Variants in KIAA1217 observed in about 807,000 individuals in gnomAD.
KIAA1217 encodes KIAA1217, also known as sickle tail protein homolog.
A neutral mutation model predicts 163.9 loss-of-function variants in KIAA1217; 88 were observed. The observed-to-expected ratio is 0.54, with a 90% CI of 0.45 to 0.64. The LOEUF (loss-of-function observed/expected upper bound fraction) is 0.64, where lower values mean the gene tolerates loss of function less well. Among genes scored for constraint, KIAA1217 ranks in the 30% least tolerant of loss-of-function variants. KIAA1217 has a pLI of 0.00. For missense variants in KIAA1217, 2,372 were observed against 2,475.0 expected (o/e 0.96, Z 0.88); for synonymous variants, 903 against 923.1 (o/e 0.98, Z 0.39).
At chr10:24,288,116 T>G (rs1162483868) in intron 2 of KIAA1217, among the ~76,000 whole-genome samples, 1 of 152,194 alleles carries the variant, frequency 6.6e-6, no homozygotes, top group Non-Finnish European at 1.5e-5. Context: ...GTAGACACCC[T>G]ACTCAGAAGC....
At chr10:23,872,595 GT>G (rs199968473) in intron 1 of KIAA1217, among the ~76,000 whole-genome samples, 6 of 151,272 alleles carry the variant, frequency 4.0e-5, no homozygotes, top group Middle Eastern at 3.4e-3. Context: ...AATTAATTGT[GT>G]TTTTTTTTAT....
chr10:23,707,033 C>T (rs892373377), intron 1 of KIAA1217, among the ~76,000 whole-genome samples: 4 of 152,152 alleles, frequency 2.6e-5, no homozygotes, highest in African/African-American at 9.7e-5. Flanking sequence ...ATTTATTGAT[C>T]ACCAGCTGCT....
At chr10:24,237,294 G>T (rs184354278) in intron 2 of KIAA1217, among the ~76,000 whole-genome samples, 1 of 152,212 alleles carries the variant, frequency 6.6e-6, no homozygotes, top group Non-Finnish European at 1.5e-5. Flanking sequence ...CACTTTCCCA[G>T]CTCTAAGTTG....
At chr10:24,360,456 C>G (rs892868856) in intron 2 of KIAA1217, among the ~76,000 whole-genome samples, 1 of 152,168 alleles carries the variant, frequency 6.6e-6, no homozygotes, top group Non-Finnish European at 1.5e-5. Flanking sequence ...ATCTCTTAGA[C>G]TTGCAGCAAT....
chr10:23,704,170 GTGTA>G (rs1463523218), intron 1 of KIAA1217, among the ~76,000 whole-genome samples: 159 of 54,076 alleles, frequency 2.9e-3, no homozygotes, highest in East Asian at 5.8e-3. Context: ...GTGTGTGTGT[GTGTA>G]TATATATATA....
chr10:23,840,701 G>A (rs920119756), intron 1 of KIAA1217, among the ~76,000 whole-genome samples: 1 of 152,164 alleles, frequency 6.6e-6, no homozygotes, highest in African/African-American at 2.4e-5. Flanking sequence ...GTATGTTTTA[G>A]TTGATATAGA....
intron 9 of KIAA1217, among the ~76,000 whole-genome samples, chr10:24,502,815 A>G (rs2067840944): frequency 6.6e-6 from 1 of 151,818 alleles, no homozygotes; most frequent in South Asian, 2.1e-4. Context: ...ATGTGGTGAA[A>G]CCCCATTTAT....
At chr10:23,963,899 T>C (rs1356129476) in intron 1 of KIAA1217, among the ~76,000 whole-genome samples, 1 of 106,398 alleles carries the variant, frequency 9.4e-6, no homozygotes, top group East Asian at 2.4e-4. Flanking sequence ...TCTCTTTTCT[T>C]TTTTTTTTTT....
chr10:24,320,913 G>A (rs1355845235), intron 2 of KIAA1217, among the ~76,000 whole-genome samples: 2 of 152,034 alleles, frequency 1.3e-5, no homozygotes, highest in Non-Finnish European at 2.9e-5. Flanking sequence ...CGGGTGTGGT[G>A]GCAGGTGCCT....
At chr10:24,241,466 G>A (rs974125955) in intron 2 of KIAA1217, among the ~76,000 whole-genome samples, 4 of 152,102 alleles carry the variant, frequency 2.6e-5, no homozygotes, top group Non-Finnish European at 5.9e-5. Flanking sequence ...ACTGATAGGA[G>A]CTCCAGTACT....
chr10:24,076,362 G>C (rs12249156), intron 2 of KIAA1217, among the ~76,000 whole-genome samples: 24,072 of 152,162 alleles, frequency 0.16, 3,892 homozygotes, highest in African/African-American at 0.42. Flanking sequence ...GCTTTTTTGG[G>C]ATATAAGCAG....
At chr10:23,964,076 G>A (rs903600372) in intron 1 of KIAA1217, among the ~76,000 whole-genome samples, 3 of 151,380 alleles carry the variant, frequency 2.0e-5, no homozygotes, top group African/African-American at 4.8e-5. Flanking sequence ...TCTTTCTTTT[G>A]TATTTTTAAT....
chr10:24,118,802 T>G (rs1225282978), intron 2 of KIAA1217, among the ~76,000 whole-genome samples: 1 of 152,160 alleles, frequency 6.6e-6, no homozygotes, highest in Non-Finnish European at 1.5e-5. Context: ...CTCAAAGATT[T>G]GTCCTGTTGA....
chr10:24,037,843 C>A (rs1848461888), intron 2 of KIAA1217, among the ~76,000 whole-genome samples: 1 of 152,192 alleles, frequency 6.6e-6, no homozygotes, highest in African/African-American at 2.4e-5. Flanking sequence ...ACTCTTCAAA[C>A]TCTTCTCTTT....
chr10:24,204,209 C>G (rs1471889867), upstream of KIAA1217, among the ~76,000 whole-genome samples: 1 of 152,088 alleles, frequency 6.6e-6, no homozygotes. Context: ...TCCTGGGCAC[C>G]TCACTTATTG....
rs201056034 is a variant in KIAA1217, at chr10:24,347,447, CAG to C, written c.355-33418_355-33417del. 7.3e-4 allele frequency among the ~76,000 whole-genome samples: 111 copies of C among 152,146 alleles called. 1 individual carries two copies. The East Asian group carries it at 0.02, about 28-fold the overall frequency. On this transcript the variant is annotated intron_variant, in intron 2 of 20. Coordinates refer to ENST00000376454, the MANE Select transcript of KIAA1217 (RefSeq NM_019590.5). ...TCCTCTACACTTTCCTTACATTTCT[CAG>C]AGAAAAAAAGAAAAACTTTGTCATT...
rs57137646 is a variant in KIAA1217 at position 24,012,648 on chromosome 10, C to T, written c.-171+5274C>T. Among the ~76,000 whole-genome samples the T allele has an allele frequency of 1.0e-2, 1,520 of 152,176 alleles. 29 individuals carry two copies. Among genetic ancestry groups the T allele is most frequent in the African/African-American group, 0.035 (1,450 of 41,496 alleles). ...TGAAGTTTGTATTTAGTTGCTGGAA[C>T]CCTGGAGACTGGGGACTTTTTTAAA... On this transcript the variant is annotated intron_variant, in intron 2 of 18. Transcript: ENST00000376462.
chr10:24,362,110 T>A lies in KIAA1217; in HGVS notation c.355-18759T>A, dbSNP rs537524289. Among the ~76,000 whole-genome samples the A allele has an allele frequency of 7.5e-4, 115 of 152,344 alleles. No homozygotes were observed. In the South Asian group the frequency reaches 0.022, roughly 29 times the overall value. ...ATCTTTTTGAGAATGCAATTTTTTTTAAATCTGCAAGTTCCTAACATTTGC... is the reference window on the plus strand; with the variant it reads ...ATCTTTTTGAGAATGCAATTTTTTTAAAATCTGCAAGTTCCTAACATTTGC... On this transcript the variant is annotated intron_variant, in intron 2 of 20. Coordinates refer to ENST00000376454, the MANE Select transcript of KIAA1217 (RefSeq NM_019590.5).
At chr10:23,773,192 G>A (rs1017186805) in intron 1 of KIAA1217, among the ~76,000 whole-genome samples, 2 of 152,108 alleles carry the variant, frequency 1.3e-5, no homozygotes, top group African/African-American at 2.4e-5. Context: ...AGAATATTGT[G>A]TACCAAGCAT....
Sources: gnomAD v4.1 joint callset for allele counts (sites outside exome capture counted in the v4.1 genomes callset) on GRCh38, gnomAD v4.1.1 for gene constraint, MANE v1.5 for transcripts, NCBI Gene and HGNC (gene_info 2026-07-23, HGNC 2026-07-21) for gene names.